The following MEGF8 variants were observed in gnomAD, a reference collection of about 807,000 sequenced individuals.
The protein encoded by MEGF8 is multiple epidermal growth factor-like domains protein 8.
MEGF8 carries 156 observed loss-of-function variants against 302.9 expected under a neutral mutation model. The observed-to-expected ratio is 0.52, with a 90% CI of 0.45 to 0.59. The LOEUF is 0.59. MEGF8 is among the 20% of genes least tolerant of loss of function. The pLI, the probability that MEGF8 is intolerant of heterozygous loss-of-function variation, is 0.00. For synonymous variants in MEGF8, 1,621 were observed against 1,660.5 expected (o/e 0.98, Z 0.58); for missense variants, 3,345 against 3,964.5 (o/e 0.84, Z 4.20).
Position 42,344,447 on chromosome 19 carries a change from G to C in MEGF8, c.1795G>C (p.Ala599Pro). Residue 599 changes from alanine (A) to proline (P), a missense_variant, in exon 11 of 42, where the codon GCC (alanine) becomes CCC (proline). Coordinates refer to ENST00000251268, the MANE Select transcript of MEGF8 (RefSeq NM_001271938.2). This position sits in a 1 kb window ranked among gnomAD's most constrained non-coding sequence, Gnocchi z 4.5. Reference sequence around the variant, plus strand: ...TCCCCTCTCCTCCTCGCAGTGTCCAGCCGCCAGCTGCCTGGGCCTGGGCCG... The same window carrying C: ...TCCCCTCTCCTCCTCGCAGTGTCCACCCGCCAGCTGCCTGGGCCTGGGCCG... ...PPGTPLGACPAASCLGLGRLL... is the reference protein window; with the variant it reads ...PPGTPLGACPPASCLGLGRLL... 1 of 1,590,168 alleles carries C rather than the reference G, an allele frequency of 6.3e-7. No individual in the cohort carries two copies. The highest frequency in any genetic ancestry group is 8.5e-7 in the Non-Finnish European group (1 of 1,175,092).
chr19:42,326,467 G>T (rs2038985305), intron 1 of MEGF8, 37 bp downstream of exon 1: 1 of 1,494,794 alleles, frequency 6.7e-7, no homozygotes, highest in Non-Finnish European at 8.9e-7. Context: ...CTAATTCGCT[G>T]GTAGTTCATT....
At chr19:42,373,710 T>G (rs916218602) in intron 41 of MEGF8, among the ~76,000 whole-genome samples, 3 of 144,668 alleles carry the variant, frequency 2.1e-5, no homozygotes, top group African/African-American at 7.8e-5. Context: ...TTTTGGGTTT[T>G]TTTTTTTTTT....
chr19:42,350,738 C>T (rs2039356663), intron 15 of MEGF8, among the ~76,000 whole-genome samples: 1 of 152,160 alleles, frequency 6.6e-6, no homozygotes, highest in Non-Finnish European at 1.5e-5. Context: ...GGTTTGTTTC[C>T]TTGTGAGTGG....
Position 42,368,864 on chromosome 19 carries a change from G to A in MEGF8, c.6503G>A (p.Gly2168Glu). The change falls in exon 37 of 42, where the codon GGG becomes GAG. Residue 2168 changes from glycine (G) to glutamate (E), a missense_variant. Transcript: ENST00000251268. The surrounding 1 kb of genome is among the most constrained non-coding windows in gnomAD (Gnocchi z 4.9). ...PRDGLTCGRP[G>E]ASWAFLSCPP... ...CTAGGGCTGACATGTGGGCGTCCGGGGGCCTCCTGGGCCTTCCTGTCCTGC... is the reference window on the plus strand; with the variant it reads ...CTAGGGCTGACATGTGGGCGTCCGGAGGCCTCCTGGGCCTTCCTGTCCTGC... 1.2e-6 allele frequency: 2 copies of A among 1,613,736 alleles called. No homozygotes were observed. The highest frequency in any genetic ancestry group is 1.7e-6 in the Non-Finnish European group (2 of 1,179,814).
In MEGF8 at chr19:42,336,449, G is replaced by A; in HGVS notation, c.1244+103G>A. ...CTTTGCCCACTGTCGGACTCCTGTG[G>A]TCTCTCAGTCACTCCTTCCTTCATG... is the stretch of plus-strand genomic sequence containing the variant. On this transcript the variant is annotated intron_variant, in intron 6 of 41. Coordinates refer to ENST00000251268, the MANE Select transcript of MEGF8 (RefSeq NM_001271938.2). The surrounding 1 kb of genome is among the most constrained non-coding windows in gnomAD (Gnocchi z 4.8). 8.4e-7 allele frequency: 1 copy of A among 1,184,218 alleles called. No individual in the cohort carries two copies. The highest frequency in any genetic ancestry group is 1.6e-5 in the South Asian group (1 of 60,710). The allele number at this position is 1,184,218 out of a possible 1,614,324, so 73.4% of individuals were successfully genotyped here. A position where few individuals can be genotyped will look rare whatever the true frequency, so the allele number is the denominator to read the frequency against.
In MEGF8 at chr19:42,354,740, T is replaced by C. The variant is rs1218348374; in HGVS notation, c.4144+20T>C. ...TGTCTGGTACGGGGGCTAGGGGAAG[T>C]GGGACCTCTTAGTCCTGGGCTATGT... On this transcript the variant is annotated intron_variant, in intron 23 of 41. Transcript: ENST00000251268. The surrounding 1 kb of genome is among the most constrained non-coding windows in gnomAD (Gnocchi z 4.3). 6.3e-7 allele frequency: 1 copy of C among 1,588,670 alleles called. No homozygotes were observed. Among genetic ancestry groups the C allele is most frequent in the South Asian group, 1.1e-5 (1 of 90,278 alleles).
Position 42,356,047 on chromosome 19 carries a change from GAT to G in MEGF8, c.4393-35_4393-34del, listed in dbSNP as rs1254609516. ...GCAAGTCTGGTGGGACAGGGCTGGT[GAT>G]CAGGGCTCCCCTGAGTCCCTTGTCA... On this transcript the variant is annotated intron_variant, in intron 24 of 41. Transcript: ENST00000251268. The surrounding 1 kb of genome is among the most constrained non-coding windows in gnomAD (Gnocchi z 5.2). 6.3e-7 allele frequency: 1 copy of G among 1,599,440 alleles called. No homozygotes were observed. The highest frequency in any genetic ancestry group is 8.5e-7 in the Non-Finnish European group (1 of 1,170,048).
chr19:42,344,336 G>T lies in MEGF8; in HGVS notation c.1789-105G>T. 1 of 1,442,558 alleles carries T rather than the reference G, an allele frequency of 6.9e-7. No homozygotes were observed. The highest frequency in any genetic ancestry group is 9.2e-7 in the Non-Finnish European group (1 of 1,087,064). The allele number at this position is 1,442,558 out of a possible 1,614,324, so 89.4% of individuals were successfully genotyped here. ...TTCCAAGTCAACTCCCCGTTCTTCA[G>T]TTTTTTCGCCCTTTCCATCGCAGGA... On this transcript the variant is annotated intron_variant, in intron 10 of 41. Transcript: ENST00000251268. This position sits in a 1 kb window ranked among gnomAD's most constrained non-coding sequence, Gnocchi z 4.5.
In MEGF8 at chr19:42,359,236, C is replaced by T. The variant is rs756677988; in HGVS notation, c.5482C>T (p.Leu1828Phe). 4 of 1,568,168 alleles carry T rather than the reference C, an allele frequency of 2.6e-6. No homozygotes were observed. The East Asian group carries it at 6.8e-5, about 27-fold the overall frequency. The part of the protein sequence containing the change: ...VNCNAWLLPD[L>F]TRSASVGPPM... ...CTGCAATGCCTGGCTTCTGCCCGAC[C>T]TCACCCGTAAGTCCCCATTGTGGCT... Residue 1828 changes from leucine to phenylalanine, a missense_variant, in exon 31 of 42, where the codon CTC (leucine) becomes TTC (phenylalanine). Transcript: ENST00000251268.
rs749592583 is a variant in MEGF8 at position 42,375,791 on chromosome 19, C to T, written c.7554C>T (p.Asp2518=). ...CCTTCGTGGTCCGTGTGGCCCCTGA[C>T]ACTGGCGTCCATACTGTACACATCC... ...YDTFVVRVAP[D]TGVHTVHIQP... Residue 2518 remains aspartate (D), a synonymous_variant, in exon 42 of 42, where the codon GAC becomes GAT. Coordinates refer to ENST00000251268, the MANE Select transcript of MEGF8 (RefSeq NM_001271938.2). The surrounding 1 kb of genome is among the most constrained non-coding windows in gnomAD (Gnocchi z 7.1). 9 of 1,612,990 alleles carry T rather than the reference C, an allele frequency of 5.6e-6. No individual in the cohort carries two copies. In the East Asian group the frequency reaches 2.0e-4, roughly 36 times the overall value.
At position 42,353,626 on chromosome 19, in the gene MEGF8, G is replaced by A. The variant is rs377750684; in HGVS notation, c.3712G>A (p.Glu1238Lys). The A allele has an allele frequency of 4.0e-5, 64 of 1,582,818 alleles. 2 individuals are homozygous for A. Among genetic ancestry groups the A allele is most frequent in the South Asian group, 4.0e-4 (35 of 87,798 alleles). The part of the protein sequence containing the change: ...SGLCFCQDHT[E>K]GAHCQLCSPG... ...GCTCTGCTTCTGCCAGGACCACACCGAGGGTGCCCACTGCCAGCTCTGCTC... is the reference window on the plus strand; with the variant it reads ...GCTCTGCTTCTGCCAGGACCACACCAAGGGTGCCCACTGCCAGCTCTGCTC... The change falls in exon 21 of 42, where the codon GAG becomes AAG. Residue 1238 changes from glutamate (E) to lysine (K), a missense_variant. Glu to Lys is a moderately conservative substitution (Grantham distance 56). Transcript: ENST00000251268. This position sits in a 1 kb window ranked among gnomAD's most constrained non-coding sequence, Gnocchi z 6.1.
rs1485781371 is a variant in MEGF8, at chr19:42,326,345, G to C, written c.102G>C (p.Arg34=). 1 of 1,583,838 alleles carries C rather than the reference G, an allele frequency of 6.3e-7. No individual in the cohort carries two copies. Among genetic ancestry groups the C allele is most frequent in the South Asian group, 1.1e-5 (1 of 87,384 alleles). Residue 34 remains arginine, a synonymous_variant, in exon 1 of 42, where the codon CGG becomes CGC. Coordinates refer to ENST00000251268, the MANE Select transcript of MEGF8 (RefSeq NM_001271938.2). ...GARAGDCKGQ[R]QVLREAPGFV... ...GGGCGGGGGACTGCAAGGGGCAGCG[G>C]CAGGTGCTGCGGGAGGCGCCAGGCT...
rs1268498043 is a variant in MEGF8 at position 42,368,801 on chromosome 19, T to C, written c.6482-42T>C. Reference sequence around the variant, plus strand: ...GGAGGGCCTAGGCAACTGGGGCAGGTGGTACAGAGGTCCAGGTAAAATGCT... The same window carrying C: ...GGAGGGCCTAGGCAACTGGGGCAGGCGGTACAGAGGTCCAGGTAAAATGCT... On this transcript the variant is annotated intron_variant, in intron 36 of 41. Coordinates refer to ENST00000251268, the MANE Select transcript of MEGF8 (RefSeq NM_001271938.2). This position sits in a 1 kb window ranked among gnomAD's most constrained non-coding sequence, Gnocchi z 4.9. 1 of 1,595,860 alleles carries C rather than the reference T, an allele frequency of 6.3e-7. No individual in the cohort carries two copies. Among genetic ancestry groups the C allele is most frequent in the Non-Finnish European group, 8.5e-7 (1 of 1,170,122 alleles).
At chr19:42,364,311 T>G (rs2039574606) in intron 35 of MEGF8, among the ~76,000 whole-genome samples, 1 of 151,934 alleles carries the variant, frequency 6.6e-6, no homozygotes, top group Non-Finnish European at 1.5e-5. Context: ...TGCCCCCCCG[T>G]GGGAGATAAG....
chr19:42,350,092 G>A, intron 14 of MEGF8, 56 bp from the exon 15 acceptor site: 2 of 1,417,848 alleles, frequency 1.4e-6, no homozygotes, highest in Non-Finnish European at 9.8e-7. Flanking sequence ...GTTAGCGCCA[G>A]ACTCTGACCC....
rs1442834841 is a variant in MEGF8, at chr19:42,356,154, G to A, written c.4464G>A (p.Gln1488=). 2 of 1,565,036 alleles carry A rather than the reference G, an allele frequency of 1.3e-6. No individual in the cohort carries two copies. Among genetic ancestry groups the A allele is most frequent in the Admixed American group, 1.9e-5 (1 of 53,916 alleles). Residue 1488 remains glutamine, a synonymous_variant, in exon 25 of 42, where the codon CAG becomes CAA. Coordinates refer to ENST00000251268, the MANE Select transcript of MEGF8 (RefSeq NM_001271938.2). This position sits in a 1 kb window ranked among gnomAD's most constrained non-coding sequence, Gnocchi z 5.2. ...PDCATKLDGG[Q]LVWETLMDSR... ...GCGCCACCAAGCTGGATGGCGGGCA[G>A]CTGGTCTGGGAGACCCTCATGGACA...
At position 42,336,092 on chromosome 19, in the gene MEGF8, GC is replaced by G; in HGVS notation, c.995del (p.Pro332GlnfsTer48). 1.2e-6 allele frequency: 2 copies of G among 1,602,576 alleles called. No homozygotes were observed. ...CACCACCTGCCTCCAGCTCCTCGGGGCCCCCAGGCCTGGCAGGTCACGCGGC... is the reference window on the plus strand; with the variant it reads ...CACCACCTGCCTCCAGCTCCTCGGGGCCCCAGGCCTGGCAGGTCACGCGGC... Reference protein sequence around the residue: ...LAPPASSSSGPPGLAGHAAAL... With the variant: ...LAPPASSSSGXPGLAGHAAAL... On this transcript the variant is annotated frameshift_variant, in exon 6 of 42. Coordinates refer to ENST00000251268, the MANE Select transcript of MEGF8 (RefSeq NM_001271938.2). LOFTEE classifies it high-confidence loss of function. This position sits in a 1 kb window ranked among gnomAD's most constrained non-coding sequence, Gnocchi z 4.8.
At chr19:42,346,984 C>CAA (rs767117534) in intron 12 of MEGF8, among the ~76,000 whole-genome samples, 65 of 49,466 alleles carry the variant, frequency 1.3e-3, no homozygotes, top group South Asian at 2.2e-3. Context: ...GACTCTGTCT[C>CAA]AAAAAAAAAA....
chr19:42,353,150 C>A lies in MEGF8; in HGVS notation c.3550+23C>A. ...AGGGTAAGCAGCCCTTGTCCTGGGC[C>A]CAGCCTGGACCCAGGGAGCCTCCTC... On this transcript the variant is annotated intron_variant, in intron 20 of 41. Coordinates refer to ENST00000251268, the MANE Select transcript of MEGF8 (RefSeq NM_001271938.2). The surrounding 1 kb of genome is among the most constrained non-coding windows in gnomAD (Gnocchi z 6.1). 6.6e-7 allele frequency: 1 copy of A among 1,512,264 alleles called. No homozygotes were observed. The highest frequency in any genetic ancestry group is 8.8e-7 in the Non-Finnish European group (1 of 1,132,062). 93.7% of individuals were successfully genotyped at this position (1,512,264 alleles called of 1,614,324 possible). A position where few individuals can be genotyped will look rare whatever the true frequency, so the allele number is the denominator to read the frequency against.
Sources: allele counts gnomAD v4.1 joint callset (sites outside exome capture counted in the v4.1 genomes callset), GRCh38; gene constraint gnomAD v4.1.1; non-coding constraint Gnocchi (gnomAD v3.1); transcripts MANE v1.5; gene names NCBI Gene and HGNC (gene_info 2026-07-23, HGNC 2026-07-21).